The following DIP2A variants were observed in gnomAD, a reference collection of about 807,000 sequenced individuals.
DIP2A encodes the protein disco-interacting protein 2 homolog A.
In DIP2A, 85 loss-of-function variants were observed where a neutral mutation model predicts 177.4. That is an observed-to-expected ratio of 0.48 (90% CI 0.40 to 0.57). The LOEUF (loss-of-function observed/expected upper bound fraction) is 0.57. DIP2A is among the 20% of genes least tolerant of loss of function. The pLI, the probability that DIP2A is intolerant of heterozygous loss-of-function variation, is 0.00. For missense variants in DIP2A, 1,791 were observed against 2,100.2 expected, an observed-to-expected ratio of 0.85 and a Z score of 2.88; for synonymous variants, 886 against 881.8, an observed-to-expected ratio of 1.00 and a Z score of -0.08.
At chr21:46,475,268 A>G (rs2839274) in intron 1 of DIP2A, among the ~76,000 whole-genome samples, 100,196 of 152,128 alleles carry the variant, frequency 0.66, 33,865 homozygotes, top group East Asian at 0.79. Flanking sequence ...ATATTTAAAA[A>G]CATTCTTCCA....
chr21:46,537,508 C>T lies in DIP2A; in HGVS notation c.1770C>T (p.Leu590=), dbSNP rs1170962523. 3 of 1,614,114 alleles carry T rather than the reference C, an allele frequency of 1.9e-6. No homozygotes were observed. The highest frequency in any genetic ancestry group is 2.2e-5 in the South Asian group (2 of 91,096). ...VPYALMKANP[L]SWIQKVCFYK... The stretch of plus-strand genomic sequence containing the variant: ...ACGCGCTGATGAAGGCGAACCCACT[C>T]TCCTGGATCCAGAAAGTGTGCTTCT... Residue 590 remains leucine, a synonymous_variant, in exon 15 of 38, where the codon CTC becomes CTT. Transcript: ENST00000417564. This position sits in a 1 kb window ranked among gnomAD's most constrained non-coding sequence, Gnocchi z 4.1.
the DIP2A span, among the ~76,000 whole-genome samples, chr21:46,575,882 A>C: frequency 6.6e-6 from 1 of 152,250 alleles, no homozygotes; most frequent in Non-Finnish European, 1.5e-5. Flanking sequence ...TGGTTTTTGC[A>C]GAAAGACTAA....
intron 3 of DIP2A, among the ~76,000 whole-genome samples, chr21:46,490,966 C>T (rs925565487): frequency 1.3e-5 from 2 of 152,336 alleles, no homozygotes; most frequent in Admixed American, 1.3e-4. Flanking sequence ...ACAAAACTCT[C>T]TAGAGAAGTC....
chr21:46,488,450 G>T (rs1473901975), intron 2 of DIP2A, among the ~76,000 whole-genome samples: 1 of 152,172 alleles, frequency 6.6e-6, no homozygotes, highest in Non-Finnish European at 1.5e-5. Context: ...CCAGGCCACA[G>T]CTCTGTATGT....
At position 46,545,093 on chromosome 21, in the gene DIP2A, T is replaced by C. The variant is rs2059975646; in HGVS notation, c.2177-44T>C. On this transcript the variant is annotated intron_variant, in intron 18 of 37. Transcript: ENST00000417564. ...AAGGAGATCTTTGTGAGTGATCCAT[T>C]TAAACACGTTCTTGATAATTTTGAG... The C allele has an allele frequency of 2.6e-6, 4 of 1,544,570 alleles. No homozygotes were observed. The South Asian group carries it at 4.9e-5, about 19-fold the overall frequency.
chr21:46,574,896 G>A (rs1181187598), downstream of DIP2A, among the ~76,000 whole-genome samples: 2 of 152,048 alleles, frequency 1.3e-5, no homozygotes, highest in East Asian at 3.9e-4. Context: ...AACTTTTTCA[G>A]AAAGTTGAGG....
At chr21:46,504,617 A>C in intron 6 of DIP2A, 128 bp downstream of exon 6, 1 of 1,145,528 alleles carries the variant, frequency 8.7e-7, no homozygotes, top group Non-Finnish European at 1.2e-6. Context: ...CCATGCAGAT[A>C]AATAGAAACC....
intron 37 of DIP2A, 54 bp from the exon 38 acceptor site, chr21:46,567,316 G>T: frequency 6.4e-7 from 1 of 1,558,854 alleles, no homozygotes; most frequent in Non-Finnish European, 8.7e-7. Context: ...GCATTCATTG[G>T]CCCCTGTGAC....
intron 2 of DIP2A, among the ~76,000 whole-genome samples, chr21:46,487,512 A>G (rs2056764212): frequency 6.6e-6 from 1 of 152,196 alleles, no homozygotes; most frequent in Non-Finnish European, 1.5e-5. Flanking sequence ...GCGATGGAAA[A>G]CAAAGCAGAA....
At chr21:46,544,626 T>C (rs1435727069) in intron 18 of DIP2A, among the ~76,000 whole-genome samples, 4 of 152,186 alleles carry the variant, frequency 2.6e-5, no homozygotes, top group African/African-American at 7.2e-5. Flanking sequence ...CATGAAGATA[T>C]CCTAGAGGCA....
At chr21:46,488,768 TATCTC>T (rs1231445405) in intron 2 of DIP2A, among the ~76,000 whole-genome samples, 2 of 152,232 alleles carry the variant, frequency 1.3e-5, no homozygotes, top group African/African-American at 4.8e-5. Context: ...TTTGGAAAGT[TATCTC>T]TTCATATCTG....
rs2060936425 is a variant in DIP2A at position 46,569,994 on chromosome 21, A to G, written c.*2372A>G. 2.0e-5 allele frequency: 3 copies of G among 152,248 alleles called. No individual in the cohort carries two copies. The highest frequency in any genetic ancestry group is 6.5e-5 in the Admixed American group (1 of 15,292). The allele number at this position is 152,248 out of a possible 1,614,324, so 9.4% of individuals were successfully genotyped here. On this transcript the variant is annotated 3_prime_UTR_variant, in exon 38 of 38. Transcript: ENST00000417564. ...TAAATAATTTGCTTTTGTACTTAAT[A>G]AATTATAGACTTTAAAATCTATTAC...
intron 11 of DIP2A, among the ~76,000 whole-genome samples, 173 bp downstream of exon 11, chr21:46,533,820 C>CTG (rs1727068157): frequency 6.6e-6 from 1 of 152,244 alleles, no homozygotes; most frequent in South Asian, 2.1e-4. Flanking sequence ...TCGACCTGTA[C>CTG]TGTCTAATGT....
Position 46,477,659 on chromosome 21 carries a change from C to T in DIP2A, c.92-7098C>T, listed in dbSNP as rs568654240. ...CACTATCTCGGCTCACTGCAACCTC[C>T]GCCTCCCTGGTTCAAGTGATTCTCC... On this transcript the variant is annotated intron_variant, in intron 1 of 37. Transcript: ENST00000417564. 8.7e-5 allele frequency among the ~76,000 whole-genome samples: 13 copies of T among 149,490 alleles called. No individual in the cohort carries two copies. The South Asian group carries it at 1.7e-3, about 20-fold the overall frequency.
At chr21:46,497,134 CT>C (rs11315869) in intron 4 of DIP2A, 27 bp downstream of exon 4, 1,292,135 of 1,595,986 alleles carry the variant, frequency 0.81, 524,860 homozygotes, top group African/African-American at 0.92. Context: ...TCAAGTGTGG[CT>C]TTTTTTTGAG....
At chr21:46,482,259 G>A (rs1305735387) in intron 1 of DIP2A, among the ~76,000 whole-genome samples, 1 of 152,184 alleles carries the variant, frequency 6.6e-6, no homozygotes, top group African/African-American at 2.4e-5. Flanking sequence ...TCCATATCTG[G>A]TCATATGCCC....
intron 23 of DIP2A, 95 bp from the exon 24 acceptor site, chr21:46,551,539 A>T: frequency 2.7e-6 from 3 of 1,093,932 alleles, no homozygotes; most frequent in East Asian, 5.2e-5. Flanking sequence ...TGCCTCATTC[A>T]AGTATGTTTT....
intron 5 of DIP2A, among the ~76,000 whole-genome samples, chr21:46,499,084 C>A (rs2057514766): frequency 6.6e-6 from 1 of 152,218 alleles, no homozygotes; most frequent in Non-Finnish European, 1.5e-5. Flanking sequence ...TTGGTTAATT[C>A]ATCATTCAGA....
chr21:46,525,529 C>T (rs1207664950), intron 8 of DIP2A: 1 of 152,172 alleles, frequency 6.6e-6, no homozygotes, highest in Non-Finnish European at 1.5e-5. Flanking sequence ...GCCTATACCA[C>T]ACTGTCTTAA....
Sources: gnomAD v4.1 joint callset for allele counts (sites outside exome capture counted in the v4.1 genomes callset) on GRCh38, gnomAD v4.1.1 for gene constraint, Gnocchi (gnomAD v3.1) non-coding constraint, MANE v1.5 for transcripts, NCBI Gene and HGNC (gene_info 2026-07-23, HGNC 2026-07-21) for gene names.